The following ATP2C2 variants were observed in gnomAD, a reference collection of about 807,000 sequenced individuals.
ATP2C2 encodes the protein ATPase secretory pathway Ca2+ transporting 2, also known as calcium-transporting ATPase type 2C member 2.
A neutral mutation model predicts 110.8 loss-of-function variants in ATP2C2; 171 were observed. The ratio of observed to expected loss-of-function variants is 1.54; its 90% CI spans 1.36 to 1.75. The LOEUF is 1.75. ATP2C2 is among the 40% of genes most tolerant of loss of function. ATP2C2 has a pLI of 0.00. For synonymous variants in ATP2C2, 804 were observed against 508.4 expected (o/e 1.58, Z -7.82); for missense variants, 1,963 against 1,235.0 (o/e 1.59, Z -8.84).
chr16:84,449,372 C>T (rs534047509), intron 17 of ATP2C2, among the ~76,000 whole-genome samples: 6 of 152,138 alleles, frequency 3.9e-5, no homozygotes, highest in Non-Finnish European at 7.4e-5. Flanking sequence ...GCACGTGTCC[C>T]CTCTTCCCGA....
In ATP2C2 at chr16:84,446,387, C is replaced by T. The variant is rs1909750211; in HGVS notation, c.1460C>T (p.Ser487Leu). Residue 487 changes from serine to leucine, a missense_variant, in exon 16 of 27, where the codon TCA (serine) becomes TTA (leucine). Coordinates refer to ENST00000262429, the MANE Select transcript of ATP2C2 (RefSeq NM_014861.4). ...YIRKKEIPFS[S>L]EQKWMAVKCS... The stretch of plus-strand genomic sequence containing the variant: ...AGAAAAAAAGAGATTCCATTCAGTT[C>T]AGAGCAGAAGTGGATGGCGGTGAAA... 2 of 1,606,978 alleles carry T rather than the reference C, an allele frequency of 1.2e-6. No homozygotes were observed. Among genetic ancestry groups the T allele is most frequent in the African/African-American group, 1.3e-5 (1 of 74,366 alleles).
chr16:84,393,414 T>C (rs890912616), intron 1 of ATP2C2, among the ~76,000 whole-genome samples: 2 of 152,040 alleles, frequency 1.3e-5, no homozygotes, highest in African/African-American at 2.4e-5. Flanking sequence ...GTCACGAGAC[T>C]GGACTGAGGC....
intron 1 of ATP2C2, among the ~76,000 whole-genome samples, chr16:84,396,281 C>G (rs758280802): frequency 1.3e-5 from 2 of 152,042 alleles, no homozygotes; most frequent in African/African-American, 2.4e-5. Context: ...TGCAGTGGCT[C>G]ACGCCTGTAA....
intron 1 of ATP2C2, among the ~76,000 whole-genome samples, chr16:84,378,707 G>A (rs12103222): frequency 0.54 from 82,479 of 152,106 alleles, 22,480 homozygotes; most frequent in South Asian, 0.62. Flanking sequence ...TGGGGGCAGG[G>A]CCGACTACGT....
In ATP2C2 at chr16:84,403,634, G is replaced by A. The variant is rs529166196; in HGVS notation, c.211-1494G>A. Among the ~76,000 whole-genome samples, 154 of 152,168 alleles carry A rather than the reference G, an allele frequency of 1.0e-3. 3 individuals carry two copies. The highest frequency in any genetic ancestry group is 1.0e-4 in the Non-Finnish European group (7 of 68,004). ...TAACCATTTTGAAGTGTACATTGTA[G>A]TTGCATTAAGTATAGTCACACTGTT... is the stretch of plus-strand genomic sequence containing the variant. On this transcript the variant is annotated intron_variant, in intron 2 of 26. Transcript: ENST00000262429.
intron 2 of ATP2C2, chr16:84,404,829 T>TTTA: frequency 6.5e-6 from 2 of 305,712 alleles, no homozygotes; most frequent in Non-Finnish European, 6.3e-6. Context: ...TTTTTTTTTT[T>TTTA]AAGAAGAAAA....
chr16:84,452,420 C>A (rs1186042986), intron 18 of ATP2C2, among the ~76,000 whole-genome samples: 1 of 152,016 alleles, frequency 6.6e-6, no homozygotes, highest in African/African-American at 2.4e-5. Flanking sequence ...AGCTGTGTAC[C>A]CTTGGCAAAC....
At chr16:84,429,998 TCTC>T (rs1405408612) in intron 11 of ATP2C2, among the ~76,000 whole-genome samples, 1 of 152,100 alleles carries the variant, frequency 6.6e-6, no homozygotes, top group South Asian at 2.1e-4. Context: ...TGTCACATGG[TCTC>T]CTCCTCTGTC....
intron 17 of ATP2C2, among the ~76,000 whole-genome samples, chr16:84,450,085 T>C (rs1479396262): frequency 1.3e-5 from 2 of 152,256 alleles, no homozygotes; most frequent in South Asian, 2.1e-4. Flanking sequence ...CTCCAGGCCT[T>C]GCGGGAGAGC....
intron 6 of ATP2C2, among the ~76,000 whole-genome samples, chr16:84,412,905 GGC>G (rs1906505967): frequency 1.3e-5 from 2 of 151,446 alleles, no homozygotes; most frequent in African/African-American, 4.9e-5. Context: ...AGACCAGCCT[GGC>G]CAACATGGTG....
chr16:84,436,100 G>T (rs1247672932), intron 11 of ATP2C2, among the ~76,000 whole-genome samples: 1 of 152,258 alleles, frequency 6.6e-6, no homozygotes, highest in Non-Finnish European at 1.5e-5. Context: ...CTGCACTCCA[G>T]CCTGGGTGAC....
chr16:84,461,432 A>C (rs918462125), intron 24 of ATP2C2: 2 of 549,258 alleles, frequency 3.6e-6, no homozygotes, highest in Non-Finnish European at 6.5e-6. Context: ...GAGTGGCATC[A>C]CCTCCCAGGG....
At chr16:84,448,454 C>T in intron 16 of ATP2C2, 79 bp from the exon 17 acceptor site, 5 of 1,489,202 alleles carry the variant, frequency 3.4e-6, no homozygotes, top group South Asian at 2.6e-5. Flanking sequence ...TCTTTGTAAC[C>T]TTGTGCAGAG....
intron 1 of ATP2C2, among the ~76,000 whole-genome samples, chr16:84,377,920 G>T (rs191609019): frequency 1.3e-5 from 2 of 152,280 alleles, no homozygotes; most frequent in Admixed American, 1.3e-4. Flanking sequence ...AGCGGGCATG[G>T]TGCCCCACTA....
chr16:84,451,880 A>G (rs1193031092), intron 17 of ATP2C2, 41 bp from the exon 18 acceptor site: 1 of 1,573,962 alleles, frequency 6.4e-7, no homozygotes, highest in African/African-American at 1.4e-5. Context: ...GACGGCCCCT[A>G]AGCCCCCGGT....
chr16:84,417,023 G>GGCCAATGACCT (rs1422943273), intron 7 of ATP2C2, among the ~76,000 whole-genome samples: 1 of 152,206 alleles, frequency 6.6e-6, no homozygotes, highest in African/African-American at 2.4e-5. Context: ...TATGAGAGGT[G>GGCCAATGACCT]GCCAATGACC....
rs1906212104 is a variant in ATP2C2, at chr16:84,410,778, C to T, written c.515+13C>T. Reference sequence around the variant, plus strand: ...CAGAATGTAACTGGTAAGTCAGAGCCTCCCTGGGACTTTTTGGTTCACTGG... The same window carrying T: ...CAGAATGTAACTGGTAAGTCAGAGCTTCCCTGGGACTTTTTGGTTCACTGG... On this transcript the variant is annotated intron_variant, in intron 6 of 26. Coordinates refer to ENST00000262429, the MANE Select transcript of ATP2C2 (RefSeq NM_014861.4). The T allele has an allele frequency of 6.2e-7, 1 of 1,612,678 alleles. No individual in the cohort carries two copies. Among genetic ancestry groups the T allele is most frequent in the Non-Finnish European group, 8.5e-7 (1 of 1,178,780 alleles).
intron 17 of ATP2C2, 59 bp from the exon 18 acceptor site, chr16:84,451,862 C>T (rs150955430): frequency 1.3e-6 from 2 of 1,518,348 alleles, no homozygotes; most frequent in South Asian, 1.2e-5. Context: ...CAACCAACAA[C>T]AAAAAACGAC....
At chr16:84,413,187 T>G (rs1309625062) in intron 6 of ATP2C2, among the ~76,000 whole-genome samples, 1 of 151,904 alleles carries the variant, frequency 6.6e-6, no homozygotes, top group Non-Finnish European at 1.5e-5. Flanking sequence ...ATTTCCAACA[T>G]TTGGCAAACA....
Sources: allele counts gnomAD v4.1 joint callset (sites outside exome capture counted in the v4.1 genomes callset), GRCh38; gene constraint gnomAD v4.1.1; transcripts MANE v1.5; gene names NCBI Gene and HGNC (gene_info 2026-07-23, HGNC 2026-07-21).